Variants in CD8B2 observed in about 807,000 individuals in gnomAD.
CD8B2 encodes the protein T-cell surface glycoprotein CD8 beta-2 chain.
Under a neutral mutation model 23.7 loss-of-function variants are expected in CD8B2, and 11 were observed. That is an observed-to-expected ratio of 0.46 (90% CI 0.29 to 0.77). The LOEUF is 0.77. CD8B2 is among the 30% of genes least tolerant of loss of function. The probability of loss-of-function intolerance (pLI) is 0.09; values close to 1 mark genes in which losing one functional copy is unlikely to be tolerated. For synonymous variants in CD8B2, 90 were observed against 109.3 expected (o/e 0.82, Z 1.10); for missense variants, 197 against 270.5 (o/e 0.73, Z 1.91).
At chr2:106,511,365 G>A (rs2104563402), downstream of CD8B2, among the ~76,000 whole-genome samples, 1 of 152,252 alleles carries the variant, frequency 6.6e-6, no homozygotes, top group African/African-American at 2.4e-5. Flanking sequence ...CTGCTCTGAA[G>A]GAGAACATCT....
At chr2:106,541,041 G>A (rs1022433579) in intron 5 of CD8B2, among the ~76,000 whole-genome samples, 1 of 152,126 alleles carries the variant, frequency 6.6e-6, no homozygotes, top group African/African-American at 2.4e-5. Context: ...AGGGAATGAA[G>A]AGTTTTGCAG....
chr2:106,519,907 C>G (rs1679796304), intron 5 of CD8B2, among the ~76,000 whole-genome samples: 1 of 152,202 alleles, frequency 6.6e-6, no homozygotes, highest in African/African-American at 2.4e-5. Context: ...CAAGCTTGGT[C>G]TAAGACATAT....
chr2:106,537,542 C>G (rs886276903), intron 5 of CD8B2, among the ~76,000 whole-genome samples: 1 of 152,154 alleles, frequency 6.6e-6, no homozygotes, highest in Non-Finnish European at 1.5e-5. Context: ...CACACTTGCA[C>G]AGATTTCTCA....
intron 1 of CD8B2, among the ~76,000 whole-genome samples, chr2:106,489,284 T>A (rs1382061257): frequency 6.6e-6 from 1 of 151,806 alleles, no homozygotes; most frequent in Admixed American, 6.6e-5. Flanking sequence ...ATTACAAACA[T>A]GAGCCACCAC....
At chr2:106,492,846 C>T (rs575518054) in intron 2 of CD8B2, among the ~76,000 whole-genome samples, 15 of 152,310 alleles carry the variant, frequency 9.8e-5, no homozygotes, top group East Asian at 3.9e-4. Flanking sequence ...GCTGAGGCAT[C>T]CCTTCACGTG....
intron 5 of CD8B2, among the ~76,000 whole-genome samples, chr2:106,518,013 CTGTT>C (rs1475253188): frequency 6.6e-6 from 1 of 152,202 alleles, no homozygotes; most frequent in African/African-American, 2.4e-5. Flanking sequence ...CGCGCCCAGC[CTGTT>C]TATAGCTCTT....
At chr2:106,502,294 C>CAAAAAAAAAAAAAAA (rs547491786) in intron 3 of CD8B2, among the ~76,000 whole-genome samples, 180 bp from the exon 4 acceptor site, 3 of 69,530 alleles carry the variant, frequency 4.3e-5, no homozygotes, top group Admixed American at 1.8e-4. Flanking sequence ...GACTCTGTCT[C>CAAAAAAAAAAAAAAA]AAAAAAAAAA....
intron 5 of CD8B2, among the ~76,000 whole-genome samples, chr2:106,535,773 G>A (rs1163929343): frequency 2.6e-5 from 4 of 152,232 alleles, no homozygotes; most frequent in South Asian, 2.1e-4. Flanking sequence ...TTATTCACCA[G>A]ATTCCAGCTA....
intron 1 of CD8B2, among the ~76,000 whole-genome samples, chr2:106,490,477 T>C (rs550189640): frequency 7.9e-5 from 12 of 152,262 alleles, no homozygotes; most frequent in Admixed American, 2.0e-4. Context: ...AAGTGTACTA[T>C]GATAGTGCCT....
intron 5 of CD8B2, among the ~76,000 whole-genome samples, chr2:106,505,152 G>A (rs1486547375): frequency 6.6e-6 from 1 of 152,176 alleles, no homozygotes; most frequent in Non-Finnish European, 1.5e-5. Flanking sequence ...AAGCCATCCT[G>A]GGCCAGGGCA....
At chr2:106,514,578 TGCCCG>T (rs1303590627), downstream of CD8B2, among the ~76,000 whole-genome samples, 5 of 151,816 alleles carry the variant, frequency 3.3e-5, no homozygotes. Flanking sequence ...TGAGCCACTG[TGCCCG>T]GCCTGGAACG....
chr2:106,506,010 A>G (rs1466223413), intron 5 of CD8B2, among the ~76,000 whole-genome samples: 1 of 152,066 alleles, frequency 6.6e-6, no homozygotes, highest in African/African-American at 2.4e-5. Flanking sequence ...GCGGGCGCCT[A>G]TGTAATCCCA....
At chr2:106,511,414 T>A (rs377234707), downstream of CD8B2, among the ~76,000 whole-genome samples, 595 of 152,264 alleles carry the variant, frequency 3.9e-3, 3 homozygotes, top group South Asian at 7.1e-3. Flanking sequence ...TGGACCTTAA[T>A]GGGTCTGGGA....
At chr2:106,498,658 G>T (rs113720564) in intron 3 of CD8B2, among the ~76,000 whole-genome samples, 3,107 of 152,206 alleles carry the variant, frequency 0.02, 51 homozygotes, top group Non-Finnish European at 0.028. Context: ...TCAGGCCTAG[G>T]TCTGAATCTC....
chr2:106,542,078 A>G (rs1247876072), intron 5 of CD8B2, among the ~76,000 whole-genome samples: 1 of 152,222 alleles, frequency 6.6e-6, no homozygotes, highest in Non-Finnish European at 1.5e-5. Context: ...CCTGTCTGAT[A>G]CGCCACTTGC....
intron 5 of CD8B2, among the ~76,000 whole-genome samples, chr2:106,526,142 G>T (rs959151473): frequency 6.6e-6 from 1 of 152,004 alleles, no homozygotes; most frequent in Admixed American, 6.6e-5. Flanking sequence ...TTCGGAGGCT[G>T]GGGCAGGAGA....
At chr2:106,501,058 G>A (rs1679395944) in intron 3 of CD8B2, among the ~76,000 whole-genome samples, 1 of 152,214 alleles carries the variant, frequency 6.6e-6, no homozygotes. Flanking sequence ...CCGCCTTTTA[G>A]GGAGGCATTT....
Position 106,510,607 on chromosome 2 carries a change from C to CT in CD8B2, c.*3668dup, listed in dbSNP as rs1679612619. ...TTTTTCTGGGCATGGTGGTGCTTGCCTGGAGTCCCAGCTATTAGGGAGGAT... is the reference window on the plus strand; with the variant it reads ...TTTTTCTGGGCATGGTGGTGCTTGCCTTGGAGTCCCAGCTATTAGGGAGGAT... On this transcript the variant is annotated 3_prime_UTR_variant, in exon 6 of 6. Transcript: ENST00000643224. 6.6e-6 allele frequency: 1 copy of CT among 152,100 alleles called. No homozygotes were observed. 9.4% of individuals were successfully genotyped at this position (152,100 alleles called of 1,614,324 possible). A position where few individuals can be genotyped will look rare whatever the true frequency, so the allele number is the denominator to read the frequency against.
At chr2:106,526,790 C>T (rs1246016023) in intron 5 of CD8B2, among the ~76,000 whole-genome samples, 1 of 152,154 alleles carries the variant, frequency 6.6e-6, no homozygotes, top group African/African-American at 2.4e-5. Flanking sequence ...GCTGGGATTA[C>T]AGGCATGTGC....
Sources: gnomAD v4.1 joint callset for allele counts (sites outside exome capture counted in the v4.1 genomes callset) on GRCh38, gnomAD v4.1.1 for gene constraint, MANE v1.5 for transcripts, NCBI Gene and HGNC (gene_info 2026-07-23, HGNC 2026-07-21) for gene names.